DPP10: variants seen among roughly 807,000 people sequenced by gnomAD.
DPP10 encodes dipeptidyl peptidase like 10, also known as inactive dipeptidyl peptidase 10.
Under a neutral mutation model 120.9 loss-of-function variants are expected in DPP10, and 33 were observed. That is an observed-to-expected ratio of 0.27 (90% CI 0.21 to 0.37). DPP10 has a LOEUF of 0.37. DPP10 is among the 10% of genes least tolerant of loss of function. The pLI is 1.00. For synonymous variants in DPP10, 337 were observed against 326.1 expected (o/e 1.03, Z -0.36); for missense variants, 816 against 942.8 (o/e 0.87, Z 1.76).
intron 1 of DPP10, among the ~76,000 whole-genome samples, chr2:115,018,343 CA>C (rs1702820762): frequency 6.6e-6 from 1 of 152,142 alleles, no homozygotes; most frequent in African/African-American, 2.4e-5. Context: ...TTTGACCCAG[CA>C]ATCCCATTAC....
At chr2:115,395,134 G>T (rs1310917640) in intron 3 of DPP10, among the ~76,000 whole-genome samples, 1 of 152,158 alleles carries the variant, frequency 6.6e-6, no homozygotes, top group Non-Finnish European at 1.5e-5. Flanking sequence ...ATTTTCTCAT[G>T]GTCTGGGTCC....
At position 114,537,932 on chromosome 2, in the gene DPP10, G is replaced by A. The variant is rs187023143; in HGVS notation, c.60+95094G>A. Among the ~76,000 whole-genome samples the A allele has an allele frequency of 2.6e-5, 4 of 152,322 alleles. No individual in the cohort carries two copies. In the East Asian group the frequency reaches 7.7e-4, roughly 29 times the overall value. On this transcript the variant is annotated intron_variant, in intron 1 of 25. Transcript: ENST00000410059. ...CTCTTACTTGGAAGTCTGGATCAGT[G>A]GTTCTGGGAATTCGCAGATTTGCCT...
intron 1 of DPP10, among the ~76,000 whole-genome samples, chr2:115,031,124 T>A (rs1251972062): frequency 6.6e-6 from 1 of 151,496 alleles, no homozygotes; most frequent in African/African-American, 2.4e-5. Flanking sequence ...AGGCTTATTA[T>A]ATACTCAAAA....
Position 115,181,393 on chromosome 2 carries a change from C to G in DPP10, c.61-127846C>G, listed in dbSNP as rs1279483167. On this transcript the variant is annotated intron_variant, in intron 1 of 25. Coordinates refer to ENST00000410059, the MANE Select transcript of DPP10 (RefSeq NM_020868.6). ...TCAGGTGGCTTGGTGGGCAGTGCTT[C>G]TGGTTCAAGTGTGTTGTTTATCTTG... is the stretch of plus-strand genomic sequence containing the variant. Among the ~76,000 whole-genome samples, 7 of 152,284 alleles carry G rather than the reference C, an allele frequency of 4.6e-5. No homozygotes were observed. The South Asian group carries it at 1.4e-3, about 32-fold the overall frequency.
intron 1 of DPP10, among the ~76,000 whole-genome samples, chr2:115,107,104 C>T (rs35373078): frequency 0.21 from 31,104 of 150,610 alleles, 3,935 homozygotes; most frequent in East Asian, 0.36. Context: ...CTTAAACCAA[C>T]AATTTTCTAT....
At chr2:114,902,357 C>G (rs1693647646) in intron 1 of DPP10, among the ~76,000 whole-genome samples, 1 of 152,126 alleles carries the variant, frequency 6.6e-6, no homozygotes, top group Admixed American at 6.5e-5. Context: ...TGCTTCAATG[C>G]TACCTGTGTC....
intron 1 of DPP10, among the ~76,000 whole-genome samples, chr2:115,112,691 G>T (rs1335543043): frequency 1.3e-5 from 2 of 152,158 alleles, no homozygotes; most frequent in African/African-American, 4.8e-5. Flanking sequence ...AGAGTAAAAT[G>T]GTGGTTACCA....
intron 1 of DPP10, among the ~76,000 whole-genome samples, chr2:114,908,732 A>G (rs1288444507): frequency 6.6e-6 from 1 of 151,824 alleles, no homozygotes; most frequent in East Asian, 1.9e-4. Context: ...TGCTTTTTCT[A>G]CATTTATTGA....
At chr2:115,629,738 C>T (rs946569197) in intron 5 of DPP10, among the ~76,000 whole-genome samples, 1 of 152,072 alleles carries the variant, frequency 6.6e-6, no homozygotes, top group Non-Finnish European at 1.5e-5. Context: ...TTTCTGAGGC[C>T]TCTGCTCTGT....
intron 1 of DPP10, among the ~76,000 whole-genome samples, chr2:115,167,581 T>A (rs1011514139): frequency 5.3e-5 from 7 of 131,722 alleles, no homozygotes; most frequent in Non-Finnish European, 9.3e-5. Flanking sequence ...CACTCTAGCT[T>A]GGGCAACAGA....
intron 1 of DPP10, among the ~76,000 whole-genome samples, chr2:114,611,120 T>C (rs938278805): frequency 6.6e-6 from 1 of 152,062 alleles, no homozygotes; most frequent in Non-Finnish European, 1.5e-5. Flanking sequence ...TTAAATATTT[T>C]GAAAGAGAAC....
intron 1 of DPP10, among the ~76,000 whole-genome samples, chr2:114,475,249 G>A (rs1321458145): frequency 6.6e-6 from 1 of 152,016 alleles, no homozygotes; most frequent in Middle Eastern, 3.2e-3. Context: ...ACCTTTCCTG[G>A]CACAGAGGTT....
At chr2:115,662,173 C>T (rs1343261319) in intron 5 of DPP10, among the ~76,000 whole-genome samples, 1 of 152,118 alleles carries the variant, frequency 6.6e-6, no homozygotes, top group Non-Finnish European at 1.5e-5. Flanking sequence ...CAGGTTTATC[C>T]ATTTTGTTGC....
At chr2:115,680,157 A>G (rs2090550389) in intron 5 of DPP10, among the ~76,000 whole-genome samples, 2 of 152,020 alleles carry the variant, frequency 1.3e-5, no homozygotes, top group African/African-American at 2.4e-5. Context: ...AATTTTCTAA[A>G]TGACAAGAAT....
At chr2:115,834,504 AT>A (rs35220280) in intron 21 of DPP10, among the ~76,000 whole-genome samples, 162 of 148,206 alleles carry the variant, frequency 1.1e-3, no homozygotes, top group East Asian at 1.8e-3. Context: ...TCAGTAGGTC[AT>A]TTTTTTTTTT....
chr2:115,655,371 G>C (rs765626117), intron 5 of DPP10, among the ~76,000 whole-genome samples: 1 of 151,602 alleles, frequency 6.6e-6, no homozygotes, highest in Non-Finnish European at 1.5e-5. Context: ...TGAATACCTA[G>C]TGCACATGTG....
rs56772742 is a variant in DPP10, at chr2:114,556,234, CATATATATATATATATATATATAT to C, written c.60+113408_60+113431del. Among the ~76,000 whole-genome samples the C allele has an allele frequency of 1.7e-3, 151 of 86,958 alleles. 3 individuals are homozygous for C. Among genetic ancestry groups the C allele is most frequent in the African/African-American group, 6.6e-3 (143 of 21,792 alleles). The allele number at this position is 86,958 out of a possible 152,430, so 57.0% of individuals were successfully genotyped here. On this transcript the variant is annotated intron_variant, in intron 1 of 25. Transcript: ENST00000410059. ...GAGAAACAGTGATACATAGATGATA[CATATATATATATATATATATATAT>C]ATATATATATAGGCAAATAATAGAT...
rs975295795 is a variant in DPP10, at chr2:114,766,190, C to A, written c.60+323352C>A. Among the ~76,000 whole-genome samples the A allele has an allele frequency of 5.9e-5, 9 of 151,918 alleles. No homozygotes were observed. In the South Asian group the frequency reaches 1.2e-3, roughly 21 times the overall value. On this transcript the variant is annotated intron_variant, in intron 1 of 25. Coordinates refer to ENST00000410059, the MANE Select transcript of DPP10 (RefSeq NM_020868.6). ...AATAATTAAACAGATTTGGAAAAGA[C>A]CTAAATGGAACTCTCAGAAACCATC...
At position 115,083,058 on chromosome 2, in the gene DPP10, CTTTTA is replaced by C. The variant is rs1216316302; in HGVS notation, c.61-226180_61-226176del. Among the ~76,000 whole-genome samples, 45 of 152,324 alleles carry C rather than the reference CTTTTA, an allele frequency of 3.0e-4. 1 individual carries two copies. The South Asian group carries it at 9.1e-3, about 31-fold the overall frequency. On this transcript the variant is annotated intron_variant, in intron 1 of 25. Coordinates refer to ENST00000410059, the MANE Select transcript of DPP10 (RefSeq NM_020868.6). ...TGATTATTCGTAAACAATCTATACTCTTTTAGTGTCTATGACACTGGATCTTTGTG... is the reference window on the plus strand; with the variant it reads ...TGATTATTCGTAAACAATCTATACTCGTGTCTATGACACTGGATCTTTGTG...
Sources: allele counts gnomAD v4.1 joint callset (sites outside exome capture counted in the v4.1 genomes callset), GRCh38; gene constraint gnomAD v4.1.1; transcripts MANE v1.5; gene names NCBI Gene and HGNC (gene_info 2026-07-23, HGNC 2026-07-21).